Variants in PCP4 observed in about 807,000 individuals in gnomAD.
PCP4 encodes the protein Purkinje cell protein 4.
PCP4 carries 8 observed loss-of-function variants against 10.0 expected under a neutral mutation model. That is an observed-to-expected ratio of 0.80 (90% confidence interval 0.47 to 1.45). The LOEUF is 1.45. Among genes scored for constraint, PCP4 ranks in the 40% most tolerant of loss-of-function variants. PCP4 has a pLI of 0.00. For synonymous variants in PCP4, 21 were observed against 23.0 expected (o/e 0.91, Z 0.24); for missense variants, 54 against 74.4 (o/e 0.73, Z 1.01).
intron 1 of PCP4, among the ~76,000 whole-genome samples, chr21:39,868,153 C>T (rs991542916): frequency 2.0e-5 from 3 of 152,204 alleles, no homozygotes; most frequent in South Asian, 2.1e-4. Flanking sequence ...ATGTGTTTTA[C>T]TGGGGCCAAC....
chr21:39,871,817 C>T (rs1170756478), intron 1 of PCP4, among the ~76,000 whole-genome samples: 1 of 151,936 alleles, frequency 6.6e-6, no homozygotes, highest in African/African-American at 2.4e-5. Context: ...CTCAGGTTTT[C>T]TCTTTTGAAT....
At chr21:39,879,731 G>A (rs1018255597) in intron 1 of PCP4, among the ~76,000 whole-genome samples, 4 of 152,172 alleles carry the variant, frequency 2.6e-5, no homozygotes, top group African/African-American at 4.8e-5. Flanking sequence ...TCTGTAACCC[G>A]CCCTGCTGGC....
intron 2 of PCP4, among the ~76,000 whole-genome samples, chr21:39,899,380 G>A (rs1233944912): frequency 4.6e-5 from 7 of 152,156 alleles, no homozygotes; most frequent in African/African-American, 1.7e-4. Context: ...CCAACTAGAT[G>A]AAATTGATGC....
intron 1 of PCP4, among the ~76,000 whole-genome samples, chr21:39,874,053 T>C (rs2087332953): frequency 1.3e-5 from 2 of 152,204 alleles, no homozygotes; most frequent in African/African-American, 4.8e-5. Flanking sequence ...TGCCATTTTA[T>C]AAATGAAAGG....
intron 2 of PCP4, among the ~76,000 whole-genome samples, chr21:39,913,798 A>G (rs1214240545): frequency 6.6e-6 from 1 of 152,148 alleles, no homozygotes; most frequent in African/African-American, 2.4e-5. Flanking sequence ...GTGAAATTCC[A>G]TACAAAACAG....
intron 1 of PCP4, among the ~76,000 whole-genome samples, chr21:39,885,533 C>A (rs776006340): frequency 1.3e-5 from 2 of 152,240 alleles, no homozygotes; most frequent in African/African-American, 4.8e-5. Context: ...GAGGACACAT[C>A]TCTTCTTTCT....
chr21:39,867,532 A>T lies in PCP4; in HGVS notation c.9+22A>T, dbSNP rs2087300316. The T allele has an allele frequency of 6.2e-7, 1 of 1,613,346 alleles. No individual in the cohort carries two copies. Among genetic ancestry groups the T allele is most frequent in the Non-Finnish European group, 8.5e-7 (1 of 1,179,252 alleles). ...TGAGGTGAGTGATGCTTCGACCTGG[A>T]GAGGGAAACTTAGGAGTGAGAAGGG... On this transcript the variant is annotated intron_variant, in intron 1 of 2. Coordinates refer to ENST00000328619, the MANE Select transcript of PCP4 (RefSeq NM_006198.3).
chr21:39,924,874 G>C (rs2087613151), intron 2 of PCP4, among the ~76,000 whole-genome samples: 1 of 152,206 alleles, frequency 6.6e-6, no homozygotes, highest in African/African-American at 2.4e-5. Context: ...TTGGTGGCAG[G>C]CTCTGTTCTA....
intron 1 of PCP4, among the ~76,000 whole-genome samples, chr21:39,881,079 A>G (rs2087373616): frequency 6.6e-6 from 1 of 152,194 alleles, no homozygotes; most frequent in Non-Finnish European, 1.5e-5. Context: ...AATGGCCCAT[A>G]TAACTTTTAC....
intron 1 of PCP4, among the ~76,000 whole-genome samples, chr21:39,875,115 A>G (rs1487934545): frequency 6.6e-6 from 1 of 152,156 alleles, no homozygotes; most frequent in African/African-American, 2.4e-5. Context: ...GTTAAGGGGG[A>G]ACTACTGTGT....
intron 2 of PCP4, among the ~76,000 whole-genome samples, chr21:39,927,315 TATCTATC>T (rs1421044854): frequency 7.0e-5 from 8 of 113,576 alleles, no homozygotes; most frequent in Non-Finnish European, 1.6e-4. Flanking sequence ...TCTATCTATC[TATCTATC>T]ATCTATCTAT....
chr21:39,917,027 C>T (rs1169555801), intron 2 of PCP4, among the ~76,000 whole-genome samples: 1 of 152,072 alleles, frequency 6.6e-6, no homozygotes, highest in Non-Finnish European at 1.5e-5. Context: ...AGCAGATCAC[C>T]ATGGCACACG....
At chr21:39,902,676 T>A (rs965670549) in intron 2 of PCP4, among the ~76,000 whole-genome samples, 2 of 152,194 alleles carry the variant, frequency 1.3e-5, no homozygotes, top group Non-Finnish European at 2.9e-5. Flanking sequence ...AGAACTAGAT[T>A]TTGTGGTATC....
chr21:39,921,304 A>C (rs2087595669), intron 2 of PCP4, among the ~76,000 whole-genome samples: 1 of 152,224 alleles, frequency 6.6e-6, no homozygotes. Flanking sequence ...ACAACCCCAC[A>C]GGATGAAAAC....
intron 1 of PCP4, among the ~76,000 whole-genome samples, chr21:39,870,757 C>T (rs999701736): frequency 3.9e-5 from 6 of 152,312 alleles, no homozygotes; most frequent in Admixed American, 6.5e-5. Flanking sequence ...TTCCAGGTCA[C>T]GTAATCAAAT....
intron 1 of PCP4, among the ~76,000 whole-genome samples, chr21:39,896,655 A>G (rs757548325): frequency 1.3e-5 from 2 of 152,232 alleles, no homozygotes; most frequent in Non-Finnish European, 1.5e-5. Flanking sequence ...TGCAATAAGC[A>G]TACACGAGGA....
chr21:39,868,228 G>C (rs577114758), intron 1 of PCP4, among the ~76,000 whole-genome samples: 2 of 152,116 alleles, frequency 1.3e-5, no homozygotes, highest in African/African-American at 4.8e-5. Context: ...GCAGATTAGC[G>C]GTGGTACAAC....
rs906389436 is a variant in PCP4 at position 39,907,934 on chromosome 21, A to G, written c.61+9407A>G. On this transcript the variant is annotated intron_variant, in intron 2 of 2. Coordinates refer to ENST00000328619, the MANE Select transcript of PCP4 (RefSeq NM_006198.3). ...AAGAAATGCAGGGTTCCATTGTACC[A>G]AGTGCCTTTTTCCAGTTGTTGCCAA... Among the ~76,000 whole-genome samples, 5 of 152,210 alleles carry G rather than the reference A, an allele frequency of 3.3e-5. No individual in the cohort carries two copies. The South Asian group carries it at 1.0e-3, about 32-fold the overall frequency.
chr21:39,872,199 A>G (rs940161826), intron 1 of PCP4, among the ~76,000 whole-genome samples: 3 of 152,132 alleles, frequency 2.0e-5, no homozygotes, highest in African/African-American at 7.2e-5. Context: ...GGGCTTCACC[A>G]TATTGGTCTG....
Sources: allele counts gnomAD v4.1 joint callset (sites outside exome capture counted in the v4.1 genomes callset), GRCh38; gene constraint gnomAD v4.1.1; transcripts MANE v1.5; gene names NCBI Gene and HGNC (gene_info 2026-07-23, HGNC 2026-07-21).